The following KCNIP1 variants were observed in gnomAD, a reference collection of about 807,000 sequenced individuals.
The protein encoded by KCNIP1 is potassium voltage-gated channel interacting protein 1.
In KCNIP1, 18 loss-of-function variants were observed where a neutral mutation model predicts 33.0. That is an observed-to-expected ratio of 0.55 (90% CI 0.38 to 0.81). The LOEUF is 0.81. Ranked by LOEUF, KCNIP1 falls within the 30% of genes least tolerant of loss-of-function variation. KCNIP1 has a pLI of 0.00. For missense variants in KCNIP1, 238 were observed against 271.6 expected (o/e 0.88, Z 0.87); for synonymous variants, 93 against 98.3 (o/e 0.95, Z 0.32).
intron 1 of KCNIP1, among the ~76,000 whole-genome samples, chr5:170,423,287 G>GT (rs35494389): frequency 7.0e-4 from 102 of 145,820 alleles, no homozygotes; most frequent in East Asian, 1.8e-3. Flanking sequence ...TTTCTTTCTT[G>GT]TTTTTTTTTT....
At chr5:170,559,679 C>T (rs908314407) in intron 1 of KCNIP1, among the ~76,000 whole-genome samples, 1 of 152,198 alleles carries the variant, frequency 6.6e-6, no homozygotes, top group Non-Finnish European at 1.5e-5. Flanking sequence ...GAAAAACACC[C>T]TCTGGACATT....
chr5:170,490,793 G>A (rs1033599058), intron 1 of KCNIP1, among the ~76,000 whole-genome samples: 40 of 152,084 alleles, frequency 2.6e-4, no homozygotes, highest in Non-Finnish European at 5.4e-4. Flanking sequence ...CTCTCCCCAA[G>A]CTCCCTAGGC....
At chr5:170,531,266 A>T (rs1256395798) in intron 1 of KCNIP1, among the ~76,000 whole-genome samples, 1 of 152,128 alleles carries the variant, frequency 6.6e-6, no homozygotes, top group Non-Finnish European at 1.5e-5. Flanking sequence ...AGTACTTTGA[A>T]ACTCTTGTGC....
chr5:170,656,949 A>G (rs1422376266), intron 1 of KCNIP1, among the ~76,000 whole-genome samples: 1 of 151,630 alleles, frequency 6.6e-6, no homozygotes, highest in Non-Finnish European at 1.5e-5. Context: ...CCATGTGCAC[A>G]GACATGACTC....
In KCNIP1 at chr5:170,691,024, C is replaced by T. The variant is rs112785449; in HGVS notation, c.62-27734C>T. Among the ~76,000 whole-genome samples, 245 of 152,322 alleles carry T rather than the reference C, an allele frequency of 1.6e-3. 2 individuals carry two copies. The highest frequency in any genetic ancestry group is 2.9e-3 in the Non-Finnish European group (197 of 68,036). On this transcript the variant is annotated intron_variant, in intron 1 of 7. Transcript: ENST00000328939. ...AAAGCCTTTATGCTTCATAATTCCACTTTATTGATGTAGGAAGACAAATGA... is the reference window on the plus strand; with the variant it reads ...AAAGCCTTTATGCTTCATAATTCCATTTTATTGATGTAGGAAGACAAATGA...
chr5:170,479,628 A>G (rs1186416624), intron 1 of KCNIP1, among the ~76,000 whole-genome samples: 1 of 152,092 alleles, frequency 6.6e-6, no homozygotes, highest in Non-Finnish European at 1.5e-5. Context: ...GGAAAAATGT[A>G]TCTGTCCCTT....
intron 1 of KCNIP1, among the ~76,000 whole-genome samples, chr5:170,681,854 A>G (rs969129871): frequency 2.6e-5 from 4 of 152,214 alleles, no homozygotes; most frequent in African/African-American, 9.6e-5. Context: ...TTTCCTCCTT[A>G]TGAGATATTG....
intron 1 of KCNIP1, among the ~76,000 whole-genome samples, chr5:170,662,226 A>C (rs1761527174): frequency 6.6e-6 from 1 of 152,174 alleles, no homozygotes; most frequent in African/African-American, 2.4e-5. Flanking sequence ...TATTTGGGGT[A>C]AGCTCAGCCA....
chr5:170,364,682 C>T (rs1717254217), intron 1 of KCNIP1, among the ~76,000 whole-genome samples: 1 of 152,240 alleles, frequency 6.6e-6, no homozygotes, highest in South Asian at 2.1e-4. Context: ...TCCCCCAACA[C>T]ATTGCCTAAT....
chr5:170,553,110 C>T (rs570489079), intron 1 of KCNIP1, among the ~76,000 whole-genome samples: 1 of 152,334 alleles, frequency 6.6e-6, no homozygotes, highest in African/African-American at 2.4e-5. Flanking sequence ...ACCCCAGCAG[C>T]ACCTCCTCCC....
intron 1 of KCNIP1, among the ~76,000 whole-genome samples, chr5:170,654,399 A>G (rs527882858): frequency 3.3e-5 from 5 of 152,212 alleles, no homozygotes; most frequent in Non-Finnish European, 7.3e-5. Flanking sequence ...TAATAAATCC[A>G]TAAATTGTAT....
intron 1 of KCNIP1, among the ~76,000 whole-genome samples, chr5:170,450,376 C>A (rs1042384358): frequency 1.3e-5 from 2 of 152,198 alleles, no homozygotes; most frequent in Non-Finnish European, 2.9e-5. Context: ...TTGGACCCCG[C>A]ATCTACTCAC....
chr5:170,406,205 G>A (rs1755034521), intron 1 of KCNIP1, among the ~76,000 whole-genome samples: 1 of 152,234 alleles, frequency 6.6e-6, no homozygotes, highest in Admixed American at 6.5e-5. Flanking sequence ...ACCATGAGCA[G>A]TGAGTTGGTG....
At chr5:170,623,251 T>C (rs28621016) in intron 1 of KCNIP1, among the ~76,000 whole-genome samples, 17,585 of 151,606 alleles carry the variant, frequency 0.12, 1,171 homozygotes, top group African/African-American at 0.17. Flanking sequence ...TTCGCTCTTG[T>C]TGCCCAGGCT....
chr5:170,666,277 A>C (rs1761698161), intron 1 of KCNIP1, among the ~76,000 whole-genome samples: 1 of 152,102 alleles, frequency 6.6e-6, no homozygotes, highest in African/African-American at 2.4e-5. Flanking sequence ...GGGCTCTTGC[A>C]GTTGGCTCCT....
At chr5:170,383,667 C>T in intron 1 of KCNIP1, 2 of 1,613,986 alleles carry the variant, frequency 1.2e-6, no homozygotes, top group Non-Finnish European at 8.5e-7. Context: ...CCCCATCCCT[C>T]CAGTTCAGTA....
At chr5:170,386,363 C>CA in intron 1 of KCNIP1, among the ~76,000 whole-genome samples, 1 of 152,294 alleles carries the variant, frequency 6.6e-6, no homozygotes, top group East Asian at 1.9e-4. Context: ...GCTCATCCCC[C>CA]ACGGCCACTG....
chr5:170,619,629 C>A (rs1759525669), intron 1 of KCNIP1, among the ~76,000 whole-genome samples: 1 of 152,136 alleles, frequency 6.6e-6, no homozygotes, highest in Non-Finnish European at 1.5e-5. Context: ...CACTTTAGCC[C>A]AGGATACAAG....
At chr5:170,571,347 A>T (rs1160737041) in intron 1 of KCNIP1, among the ~76,000 whole-genome samples, 2 of 152,102 alleles carry the variant, frequency 1.3e-5, no homozygotes, top group Non-Finnish European at 2.9e-5. Context: ...TTTCACCTCC[A>T]TGCTGTATAC....
Sources: allele counts gnomAD v4.1 joint callset (sites outside exome capture counted in the v4.1 genomes callset), GRCh38; gene constraint gnomAD v4.1.1; transcripts MANE v1.5; gene names NCBI Gene and HGNC (gene_info 2026-07-23, HGNC 2026-07-21).